RP2: variants seen among roughly 807,000 people sequenced by gnomAD.
RP2 encodes protein XRP2.
In RP2, 3 loss-of-function variants were observed where a neutral mutation model predicts 20.3. The ratio of observed to expected loss-of-function variants is 0.15; its 90% CI spans 0.07 to 0.38. The LOEUF (loss-of-function observed/expected upper bound fraction) is 0.38, where lower values mean the gene tolerates loss of function less well. Ranked by LOEUF, RP2 falls within the 10% of genes least tolerant of loss-of-function variation. The pLI is 1.00. For synonymous variants in RP2, 75 were observed against 94.8 expected (o/e 0.79, Z 1.22); for missense variants, 233 against 268.5 (o/e 0.87, Z 0.92).
At position 46,881,821 on chromosome X, in the gene RP2, A is replaced by G. The variant is rs998604549; in HGVS notation, c.*2052A>G. ...ATTATTCACATTTCAAATAATAACA[A>G]TACTTTTTGTTTTTCAAAAATAAAA... On this transcript the variant is annotated 3_prime_UTR_variant, in exon 5 of 5. Transcript: ENST00000218340. 5 of 111,849 alleles carry G rather than the reference A, an allele frequency of 4.5e-5. No homozygotes were observed. The highest frequency in any genetic ancestry group is 9.4e-5 in the Non-Finnish European group (5 of 53,261). 9.2% of individuals were successfully genotyped at this position (111,849 alleles called of 1,213,427 possible).
Position 46,879,839 on chromosome X carries a change from CTT to C in RP2, c.*73_*74del. On this transcript the variant is annotated 3_prime_UTR_variant, in exon 5 of 5. Coordinates refer to ENST00000218340, the MANE Select transcript of RP2 (RefSeq NM_006915.3). ...TGTGAATATAGAATTTGATAATACA[CTT>C]TTGTGTATTAGCAATGGTTTTTACT... 1 of 641,927 alleles carries C rather than the reference CTT, an allele frequency of 1.6e-6. No individual in the cohort carries two copies. Among genetic ancestry groups the C allele is most frequent in the Non-Finnish European group, 2.4e-6 (1 of 411,223 alleles). The allele number at this position is 641,927 out of a possible 1,213,427, so 52.9% of individuals were successfully genotyped here.
intron 3 of RP2, among the ~76,000 whole-genome samples, chrX:46,870,612 G>A (rs1925272552): frequency 9.0e-6 from 1 of 111,450 alleles, no homozygotes; most frequent in African/African-American, 3.3e-5. Context: ...TGAAAAATAC[G>A]GCACTACCTA....
intron 3 of RP2, among the ~76,000 whole-genome samples, chrX:46,869,562 G>A (rs1467493170): frequency 1.9e-4 from 20 of 102,933 alleles, no homozygotes; most frequent in African/African-American, 6.1e-4. Context: ...GATTACAGGC[G>A]TGAGCTACCG....
At chrX:46,848,903 C>T (rs1363474959) in intron 1 of RP2, among the ~76,000 whole-genome samples, 4 of 107,645 alleles carry the variant, frequency 3.7e-5, no homozygotes. Flanking sequence ...GTGGTGTGCA[C>T]TTGTAGTCCC....
rs782093466 is a variant in RP2, at chrX:46,853,994, C to G, written c.621C>G (p.Leu207=). Residue 207 remains leucine, a synonymous_variant, in exon 2 of 5, where the codon CTC becomes CTG. Transcript: ENST00000218340. ...TTCCTATACCTACTACCGAAGAGCT[C>G]AAAGCTGTTCGTGTTTCCACAGAAG... The part of the protein sequence containing the change: ...DYVPIPTTEE[L]KAVRVSTEAN... 7 of 1,211,517 alleles carry G rather than the reference C, an allele frequency of 5.8e-6. No homozygotes were observed. The South Asian group carries it at 1.1e-4, about 18-fold the overall frequency.
intron 4 of RP2, among the ~76,000 whole-genome samples, chrX:46,878,332 C>A (rs868918382): frequency 1.9e-5 from 2 of 105,133 alleles, no homozygotes; most frequent in Non-Finnish European, 3.9e-5. Flanking sequence ...AGCCGAGATC[C>A]CGCCACTGCA....
intron 1 of RP2, among the ~76,000 whole-genome samples, chrX:46,850,317 C>T (rs1394471643): frequency 8.9e-5 from 10 of 112,087 alleles, no homozygotes; most frequent in African/African-American, 3.2e-4. Context: ...TTCATCCCAT[C>T]TTCTTCTTCC....
At chrX:46,839,373 G>A (rs1166449260) in intron 1 of RP2, among the ~76,000 whole-genome samples, 10 of 110,606 alleles carry the variant, frequency 9.0e-5, no homozygotes, top group African/African-American at 2.6e-4. Context: ...GCAATATGGC[G>A]AAACCTCATT....
intron 3 of RP2, among the ~76,000 whole-genome samples, chrX:46,871,512 A>G (rs1294430825): frequency 8.9e-6 from 1 of 112,547 alleles, no homozygotes; most frequent in Non-Finnish European, 1.9e-5. Flanking sequence ...GGATTGCCCA[A>G]GTGTATTTCT....
chrX:46,879,927 G>A lies in RP2; in HGVS notation c.*158G>A. On this transcript the variant is annotated 3_prime_UTR_variant, in exon 5 of 5. Transcript: ENST00000218340. ...TTGTTGAGTATTACATCATTTACTT[G>A]AGGTTCAAAAATAATTCATTTTAAA... 2.9e-6 allele frequency: 1 copy of A among 347,928 alleles called. No homozygotes were observed. The highest frequency in any genetic ancestry group is 9.0e-5 in the South Asian group (1 of 11,142). The allele number at this position is 347,928 out of a possible 1,213,427, so 28.7% of individuals were successfully genotyped here.
chrX:46,879,013 C>T (rs953723236), intron 4 of RP2, among the ~76,000 whole-genome samples: 1 of 95,465 alleles, frequency 1.0e-5, no homozygotes, highest in East Asian at 3.2e-4. Context: ...CTGCTTGAGC[C>T]CAGGAGTTCA....
intron 4 of RP2, 31 bp from the exon 5 acceptor site, chrX:46,879,655 A>ATT: frequency 5.8e-6 from 5 of 857,441 alleles, no homozygotes; most frequent in Non-Finnish European, 8.2e-6. Flanking sequence ...CTTGGTACTG[A>ATT]TTTTTTTTTT....
rs182930377 is a variant in RP2 at position 46,837,612 on chromosome X, G to A, written c.102+410G>A. Among the ~76,000 whole-genome samples, 22 of 111,781 alleles carry A rather than the reference G, an allele frequency of 2.0e-4. 1 individual carries two copies. The highest frequency in any genetic ancestry group is 6.8e-4 in the African/African-American group (21 of 30,807). On this transcript the variant is annotated intron_variant, in intron 1 of 4. Coordinates refer to ENST00000218340, the MANE Select transcript of RP2 (RefSeq NM_006915.3). Reference sequence around the variant, plus strand: ...GGGTTTTGTCCAGTCGTCGAGTTACGTATATGGGACCGATTCTCATCTCTT... The same window carrying A: ...GGGTTTTGTCCAGTCGTCGAGTTACATATATGGGACCGATTCTCATCTCTT...
Position 46,879,838 on chromosome X carries a change from AC to A in RP2, c.*70del. 1 of 643,034 alleles carries A rather than the reference AC, an allele frequency of 1.6e-6. No homozygotes were observed. The highest frequency in any genetic ancestry group is 2.4e-6 in the Non-Finnish European group (1 of 411,869). The allele number at this position is 643,034 out of a possible 1,213,427, so 53.0% of individuals were successfully genotyped here. A position where few individuals can be genotyped will look rare whatever the true frequency, so the allele number is the denominator to read the frequency against. ...TTGTGAATATAGAATTTGATAATAC[AC>A]TTTTGTGTATTAGCAATGGTTTTTA... On this transcript the variant is annotated 3_prime_UTR_variant, in exon 5 of 5. Transcript: ENST00000218340.
intron 3 of RP2, among the ~76,000 whole-genome samples, chrX:46,866,367 T>C (rs150073139): frequency 0.011 from 1,177 of 109,940 alleles, 12 homozygotes; most frequent in African/African-American, 0.037. Context: ...TATAATCCTG[T>C]ATCTATCTAT....
intron 2 of RP2, among the ~76,000 whole-genome samples, chrX:46,855,007 C>T (rs996523844): frequency 7.9e-4 from 88 of 111,396 alleles, no homozygotes; most frequent in African/African-American, 2.7e-3. Flanking sequence ...ACCTCATGAT[C>T]CACCTGCCTA....
chrX:46,860,063 C>G lies in RP2; in HGVS notation c.844C>G (p.Arg282Gly). The G allele has an allele frequency of 3.3e-6, 4 of 1,207,991 alleles. No homozygotes were observed. The highest frequency in any genetic ancestry group is 4.5e-6 in the Non-Finnish European group (4 of 892,361). The change falls in exon 3 of 5, where the codon CGG becomes GGG. Residue 282 changes from arginine to glycine, a missense_variant. Arg to Gly is a moderately radical substitution (Grantham distance 125). Around this residue, in one of 3 missense-constraint regions of RP2, gnomAD observed 118 missense variants for 123.8 expected, o/e 0.95. Transcript: ENST00000218340. ...AGCTGAGGATGCTCAAAGGGTTTTTCGGGAAAAAGCACCTGACTTCCTTCC... is the reference window on the plus strand; with the variant it reads ...AGCTGAGGATGCTCAAAGGGTTTTTGGGGAAAAAGCACCTGACTTCCTTCC... ...MKAEDAQRVF[R>G]EKAPDFLPLL... is the part of the protein sequence containing the mutation.
Position 46,875,044 on chromosome X carries a change from A to AT in RP2, c.884-2453dup, listed in dbSNP as rs782436650. On this transcript the variant is annotated intron_variant, in intron 3 of 4. Transcript: ENST00000218340. Reference sequence around the variant, plus strand: ...GTTATTTTTTTACTTTTATTTTTTAATTTTTTTTGGCAGGAATACATAGAT... The same window carrying AT: ...GTTATTTTTTTACTTTTATTTTTTAATTTTTTTTTGGCAGGAATACATAGAT... Among the ~76,000 whole-genome samples, 263 of 110,152 alleles carry AT rather than the reference A, an allele frequency of 2.4e-3. 2 individuals carry two copies. Among genetic ancestry groups the AT allele is most frequent in the African/African-American group, 8.3e-3 (253 of 30,437 alleles).
At position 46,880,008 on chromosome X, in the gene RP2, TTTTG is replaced by T. The variant is rs782684761; in HGVS notation, c.*243_*246del. ...TTAACCCATTTTAATAAGCTTGCAG[TTTTG>T]TTTCTCTGCATATGATATTCTTATT... On this transcript the variant is annotated 3_prime_UTR_variant, in exon 5 of 5. Coordinates refer to ENST00000218340, the MANE Select transcript of RP2 (RefSeq NM_006915.3). 1.8e-4 allele frequency: 44 copies of T among 247,839 alleles called. No homozygotes were observed. Among genetic ancestry groups the T allele is most frequent in the Middle Eastern group, 1.3e-3 (1 of 764 alleles). 20.4% of individuals were successfully genotyped at this position (247,839 alleles called of 1,213,427 possible).
Sources: gnomAD v4.1 joint callset for allele counts (sites outside exome capture counted in the v4.1 genomes callset) on GRCh38, gnomAD v4.1.1 for gene constraint, gnomAD v4.1.1 regional missense constraint, MANE v1.5 for transcripts, NCBI Gene and HGNC (gene_info 2026-07-23, HGNC 2026-07-21) for gene names.